CSPP1: variants seen among roughly 807,000 people sequenced by gnomAD.
CSPP1 encodes the protein centrosome and spindle pole associated protein 1.
A neutral mutation model predicts 164.4 loss-of-function variants in CSPP1; 126 were observed. That is an observed-to-expected ratio of 0.77 (90% CI 0.66 to 0.89). CSPP1 has a LOEUF of 0.89. Ranked by LOEUF, CSPP1 falls within the 40% of genes least tolerant of loss-of-function variation. The pLI is 0.00. For synonymous variants in CSPP1, 472 were observed against 476.7 expected (o/e 0.99, Z 0.13); for missense variants, 1,395 against 1,449.8 (o/e 0.96, Z 0.61).
At chr8:67,137,346 G>T in intron 16 of CSPP1, 110 bp from the exon 17 acceptor site, 1 of 797,284 alleles carries the variant, frequency 1.3e-6, no homozygotes. Flanking sequence ...AAAAAAAAAA[G>T]CAAATTTTTT....
intron 28 of CSPP1, among the ~76,000 whole-genome samples, chr8:67,185,107 A>AAAAAAAAAAAC (rs1834182049): frequency 6.6e-6 from 1 of 150,408 alleles, no homozygotes; most frequent in Non-Finnish European, 1.5e-5. Context: ...TCCGTCTCAA[A>AAAAAAAAAAAC]AAAAAAAAAA....
At chr8:67,103,863 AT>A (rs1814740007) in intron 8 of CSPP1, among the ~76,000 whole-genome samples, 1 of 148,332 alleles carries the variant, frequency 6.7e-6, no homozygotes, top group Admixed American at 6.7e-5. Flanking sequence ...AAAAAAAAAA[AT>A]TGGAAATGTT....
At chr8:67,158,634 C>T in intron 20 of CSPP1, 38 bp downstream of exon 20, 5 of 1,527,926 alleles carry the variant, frequency 3.3e-6, no homozygotes, top group Non-Finnish European at 4.4e-6. Context: ...ACTACTTAGT[C>T]TGAAGGTGAA....
chr8:67,064,548 G>C lies in CSPP1; in HGVS notation c.-11+10G>C, dbSNP rs544947929. The C allele has an allele frequency of 1.2e-6, 2 of 1,600,726 alleles. No individual in the cohort carries two copies. Among genetic ancestry groups the C allele is most frequent in the African/African-American group, 1.3e-5 (1 of 74,964 alleles). ...GAGCGTGAGTGGCGAGGTGTGGCCT[G>C]GGGTGGTGTAGGTTGAGGGTGGAGG... On this transcript the variant is annotated intron_variant, in intron 1 of 30. Transcript: ENST00000678616.
At position 67,166,993 on chromosome 8, in the gene CSPP1, T is replaced by G. The variant is rs531867795; in HGVS notation, c.2828+2485T>G. Among the ~76,000 whole-genome samples, 586 of 152,280 alleles carry G rather than the reference T, an allele frequency of 3.8e-3. 2 individuals carry two copies. The highest frequency in any genetic ancestry group is 0.029 in the East Asian group (149 of 5,170). On this transcript the variant is annotated intron_variant, in intron 24 of 30. Coordinates refer to ENST00000678616, the MANE Select transcript of CSPP1 (RefSeq NM_001382391.1). The stretch of plus-strand genomic sequence containing the variant: ...CATCTTGCACCGCCCTTAATCCATT[T>G]AACCCTGAGTGGACACAGCACATGT...
intron 19 of CSPP1, among the ~76,000 whole-genome samples, chr8:67,155,318 C>G (rs1826462682): frequency 6.6e-6 from 1 of 152,184 alleles, no homozygotes; most frequent in Admixed American, 6.5e-5. Flanking sequence ...CTTCTTTACT[C>G]AAAATCTGGT....
At chr8:67,165,463 C>T (rs959120692) in intron 24 of CSPP1, among the ~76,000 whole-genome samples, 2 of 152,190 alleles carry the variant, frequency 1.3e-5, no homozygotes, top group African/African-American at 4.8e-5. Context: ...CTAATGTTCT[C>T]CTTCTGTTCA....
At position 67,095,618 on chromosome 8, in the gene CSPP1, A is replaced by T. The variant is rs1812585556; in HGVS notation, c.809A>T (p.Asp270Val). 3 of 1,613,822 alleles carry T rather than the reference A, an allele frequency of 1.9e-6. No homozygotes were observed. In the South Asian group the frequency reaches 3.3e-5, roughly 18 times the overall value. The change falls in exon 7 of 31, where the codon GAT (aspartate) becomes GTT (valine). Residue 270 changes from aspartate to valine, a missense_variant. Asp to Val is a radical substitution (Grantham distance 152). Transcript: ENST00000678616. ...AGATTTAATGAGGATCGTGTTTTTG[A>T]TAGACGGTATCATAGACCAGACCAA... ...FHRFNEDRVF[D>V]RRYHRPDQDP...
At chr8:67,147,911 C>T (rs1193425097) in intron 17 of CSPP1, among the ~76,000 whole-genome samples, 1 of 151,732 alleles carries the variant, frequency 6.6e-6, no homozygotes, top group East Asian at 1.9e-4. Flanking sequence ...TTTCTTTGCC[C>T]TCAACCATTT....
At chr8:67,083,546 A>ATATATATAT (rs1339466789) in intron 3 of CSPP1, 3 of 121,720 alleles carry the variant, frequency 2.5e-5, no homozygotes, top group African/African-American at 1.0e-4. Flanking sequence ...AAAAAAAAAA[A>ATATATATAT]AAATATATAT....
chr8:67,095,142 A>C, intron 6 of CSPP1, 151 bp from the exon 7 acceptor site: 1 of 423,418 alleles, frequency 2.4e-6, no homozygotes, highest in Non-Finnish European at 4.1e-6. Flanking sequence ...GTGAACATTA[A>C]TGTAAAAACG....
At chr8:67,091,429 G>A (rs1811585422) in intron 4 of CSPP1, among the ~76,000 whole-genome samples, 1 of 152,176 alleles carries the variant, frequency 6.6e-6, no homozygotes, top group Non-Finnish European at 1.5e-5. Flanking sequence ...TATTTGTGAG[G>A]AAGTTTAAAT....
intron 1 of CSPP1, among the ~76,000 whole-genome samples, chr8:67,071,556 T>TA (rs1451894030): frequency 6.6e-6 from 1 of 152,222 alleles, no homozygotes; most frequent in Non-Finnish European, 1.5e-5. Context: ...CTTGAATTTC[T>TA]AACCGTCTAC....
intron 1 of CSPP1, among the ~76,000 whole-genome samples, chr8:67,070,341 T>C (rs1806466692): frequency 6.6e-6 from 1 of 151,644 alleles, no homozygotes; most frequent in African/African-American, 2.4e-5. Flanking sequence ...TGGGCACCTG[T>C]AATCTCAGCT....
intron 3 of CSPP1, among the ~76,000 whole-genome samples, chr8:67,079,735 T>C (rs1808757712): frequency 6.6e-6 from 1 of 152,246 alleles, no homozygotes; most frequent in Admixed American, 6.5e-5. Flanking sequence ...AATCCTGTCA[T>C]GTGCTTCTAG....
At chr8:67,159,915 T>TCTTTCTTC (rs1708005447) in intron 21 of CSPP1, among the ~76,000 whole-genome samples, 2 of 64,304 alleles carry the variant, frequency 3.1e-5, no homozygotes, top group Non-Finnish European at 3.0e-5. Context: ...TTTCTTTCTT[T>TCTTTCTTC]CTTTCTTTCC....
intron 19 of CSPP1, among the ~76,000 whole-genome samples, 185 bp downstream of exon 19, chr8:67,154,321 A>G (rs1275394372): frequency 6.6e-6 from 1 of 152,176 alleles, no homozygotes; most frequent in Admixed American, 6.5e-5. Flanking sequence ...AAACAGATGT[A>G]TTAAGTATAG....
rs181230591 is a variant in CSPP1 at position 67,182,349 on chromosome 8, T to C, written c.3220+2423T>C. Among the ~76,000 whole-genome samples, 987 of 152,176 alleles carry C rather than the reference T, an allele frequency of 6.5e-3. 7 individuals carry two copies. The highest frequency in any genetic ancestry group is 0.023 in the African/African-American group (944 of 41,520). On this transcript the variant is annotated intron_variant, in intron 28 of 30. Transcript: ENST00000678616. ...TTTTTATGCTGTGAATAATATTCCA[T>C]TGTATGTGTGTACCACGTTTTGTTT...
At chr8:67,094,308 C>G (rs1586019216) in intron 6 of CSPP1, among the ~76,000 whole-genome samples, 1 of 126,202 alleles carries the variant, frequency 7.9e-6, no homozygotes, top group Admixed American at 9.4e-5. Context: ...GAGTCTTGCT[C>G]TGTCACCCAG....
Sources: gnomAD v4.1 joint callset for allele counts (sites outside exome capture counted in the v4.1 genomes callset) on GRCh38, gnomAD v4.1.1 for gene constraint, MANE v1.5 for transcripts, NCBI Gene and HGNC (gene_info 2026-07-23, HGNC 2026-07-21) for gene names.